Variants in CACNA1E observed in about 807,000 individuals in gnomAD.
CACNA1E encodes the protein voltage-dependent R-type calcium channel subunit alpha-1E.
CACNA1E carries 40 observed loss-of-function variants against 259.2 expected under a neutral mutation model. That is an observed-to-expected ratio of 0.15 (90% CI 0.12 to 0.20). CACNA1E has a LOEUF of 0.20. Ranked by LOEUF, CACNA1E falls within the 10% of genes least tolerant of loss-of-function variation. CACNA1E has a pLI of 1.00. For missense variants in CACNA1E, 1,874 were observed against 3,040.1 expected (o/e 0.62, Z 9.02); for synonymous variants, 1,104 against 1,138.5 (o/e 0.97, Z 0.61).
At chr1:181,448,511 A>C (rs1660941776) in intron 2 of CACNA1E, among the ~76,000 whole-genome samples, 1 of 152,158 alleles carries the variant, frequency 6.6e-6, no homozygotes, top group Admixed American at 6.5e-5. Context: ...TCTCAACTAA[A>C]AGCCTCAGAA....
At chr1:181,789,102 C>T (rs923296019) in intron 43 of CACNA1E, among the ~76,000 whole-genome samples, 1 of 152,204 alleles carries the variant, frequency 6.6e-6, no homozygotes, top group Non-Finnish European at 1.5e-5. Flanking sequence ...CTCAAGCTAT[C>T]TTCCCGGTTC....
intron 1 of CACNA1E, among the ~76,000 whole-genome samples, chr1:181,357,150 T>TCTCTTG (rs1256224223): frequency 1.3e-5 from 2 of 152,146 alleles, no homozygotes; most frequent in African/African-American, 4.8e-5. Flanking sequence ...AGGAGCCTTT[T>TCTCTTG]CTCTTGCTCT....
intron 1 of CACNA1E, among the ~76,000 whole-genome samples, chr1:181,381,409 T>C (rs1655452203): frequency 1.3e-5 from 2 of 152,142 alleles, no homozygotes; most frequent in Admixed American, 1.3e-4. Flanking sequence ...AAAATGAGTA[T>C]GTAATATATG....
At chr1:181,616,049 A>G (rs572042847) in intron 6 of CACNA1E, among the ~76,000 whole-genome samples, 2 of 152,134 alleles carry the variant, frequency 1.3e-5, no homozygotes, top group South Asian at 2.1e-4. Flanking sequence ...TTTCATTGCA[A>G]CCTTGGAGTG....
intron 1 of CACNA1E, among the ~76,000 whole-genome samples, chr1:181,322,886 G>A (rs539117476): frequency 3.1e-4 from 47 of 152,304 alleles, no homozygotes; most frequent in Admixed American, 7.2e-4. Flanking sequence ...GCTGAATGGG[G>A]CTGAGGGAGG....
In CACNA1E at chr1:181,628,114, G is replaced by A. The variant is rs544424864; in HGVS notation, c.952-23224G>A. Among the ~76,000 whole-genome samples the A allele has an allele frequency of 1.8e-4, 27 of 152,286 alleles. No homozygotes were observed. The East Asian group carries it at 1.9e-3, about 11-fold the overall frequency. On this transcript the variant is annotated intron_variant, in intron 6 of 47. Transcript: ENST00000367573. ...ACTGTGTGTCTCTTGAGTCAATGTC[G>A]ATAACCTTTGGAACCTGTCCTAAGT... is the stretch of plus-strand genomic sequence containing the variant.
intron 1 of CACNA1E, among the ~76,000 whole-genome samples, chr1:181,491,577 A>G (rs1222400243): frequency 6.6e-6 from 1 of 152,160 alleles, no homozygotes; most frequent in Non-Finnish European, 1.5e-5. Flanking sequence ...AATCTCTCTC[A>G]TTTACCAGCT....
At chr1:181,770,309 G>A (rs776712762) in intron 35 of CACNA1E, among the ~76,000 whole-genome samples, 18 of 152,190 alleles carry the variant, frequency 1.2e-4, no homozygotes, top group Non-Finnish European at 1.8e-4. Context: ...TGTGGTTGGG[G>A]AAGGAGGGTG....
intron 6 of CACNA1E, among the ~76,000 whole-genome samples, chr1:181,650,169 G>A (rs16857913): frequency 0.012 from 1,754 of 152,286 alleles, 34 homozygotes; most frequent in African/African-American, 0.04. Context: ...GAAGCATGGG[G>A]ACAATGAATC....
chr1:181,401,036 G>A (rs982866706), intron 1 of CACNA1E, among the ~76,000 whole-genome samples: 1 of 152,110 alleles, frequency 6.6e-6, no homozygotes, highest in Non-Finnish European at 1.5e-5. Context: ...TTACATCGCC[G>A]ATATCATCTG....
chr1:181,727,815 T>C (rs1162695808), intron 18 of CACNA1E, among the ~76,000 whole-genome samples: 1 of 152,186 alleles, frequency 6.6e-6, no homozygotes, highest in Non-Finnish European at 1.5e-5. Context: ...CTGTCATTGT[T>C]ACTTGAAGCT....
intron 16 of CACNA1E, among the ~76,000 whole-genome samples, chr1:181,723,538 A>T (rs1315298197): frequency 6.6e-6 from 1 of 152,146 alleles, no homozygotes; most frequent in Non-Finnish European, 1.5e-5. Flanking sequence ...GTGTCCTCTA[A>T]TTCAATTCTG....
intron 37 of CACNA1E, among the ~76,000 whole-genome samples, chr1:181,773,534 T>C (rs1409234534): frequency 6.6e-6 from 1 of 152,220 alleles, no homozygotes; most frequent in Non-Finnish European, 1.5e-5. Context: ...GTATAATGTA[T>C]AAAGAAAAAA....
intron 7 of CACNA1E, among the ~76,000 whole-genome samples, chr1:181,660,190 A>C (rs1353595915): frequency 6.6e-6 from 1 of 152,230 alleles, no homozygotes; most frequent in Non-Finnish European, 1.5e-5. Flanking sequence ...GCATCTCATG[A>C]ATGCATAGAG....
rs373175706 is a variant in CACNA1E at position 181,733,503 on chromosome 1, C to G, written c.3015C>G (p.Pro1005=). 211 of 1,601,306 alleles carry G rather than the reference C, an allele frequency of 1.3e-4. No individual in the cohort carries two copies. The highest frequency in any genetic ancestry group is 1.7e-4 in the Non-Finnish European group (201 of 1,173,000). Residue 1005 remains proline (P), a synonymous_variant, in exon 21 of 48, where the codon CCC becomes CCG. Coordinates refer to ENST00000367573, the MANE Select transcript of CACNA1E (RefSeq NM_001205293.3). ...LAGGLDEADT[P]LVLPHPELEV... ...GAGGCCTTGATGAGGCTGACACCCC[C>G]CTAGTCCTGCCCCATCCTGAGCTGG... is the stretch of plus-strand genomic sequence containing the variant.
At chr1:181,578,090 T>G (rs1367165632) in intron 4 of CACNA1E, among the ~76,000 whole-genome samples, 1 of 152,246 alleles carries the variant, frequency 6.6e-6, no homozygotes, top group Non-Finnish European at 1.5e-5. Flanking sequence ...ACAGAAAATG[T>G]GGAAAGTAAA....
chr1:181,509,357 G>T (rs1665978221), intron 1 of CACNA1E, among the ~76,000 whole-genome samples: 2 of 152,164 alleles, frequency 1.3e-5, no homozygotes, highest in Non-Finnish European at 2.9e-5. Flanking sequence ...CCACGACAGG[G>T]TTCCAGGCCC....
At chr1:181,371,896 G>A (rs138178963) in intron 1 of CACNA1E, among the ~76,000 whole-genome samples, 15 of 152,300 alleles carry the variant, frequency 9.8e-5, no homozygotes, top group African/African-American at 3.4e-4. Context: ...GATGGTTGTA[G>A]GCATGTGACT....
chr1:181,774,595 C>T (rs1659807818), intron 37 of CACNA1E, among the ~76,000 whole-genome samples: 1 of 152,258 alleles, frequency 6.6e-6, no homozygotes, highest in African/African-American at 2.4e-5. Flanking sequence ...CCCTCATCCT[C>T]ATGGAAGAGA....
Sources: allele counts gnomAD v4.1 joint callset (sites outside exome capture counted in the v4.1 genomes callset), GRCh38; gene constraint gnomAD v4.1.1; transcripts MANE v1.5; gene names NCBI Gene and HGNC (gene_info 2026-07-23, HGNC 2026-07-21).